TIAM1: variants seen among roughly 807,000 people sequenced by gnomAD.
TIAM1 encodes rho guanine nucleotide exchange factor TIAM1.
In TIAM1, 65 loss-of-function variants were observed where a neutral mutation model predicts 163.5. The ratio of observed to expected loss-of-function variants is 0.40; its 90% confidence interval spans 0.33 to 0.49. TIAM1 has a LOEUF of 0.49. Ranked by LOEUF, TIAM1 falls within the 20% of genes least tolerant of loss-of-function variation. The pLI, the probability that TIAM1 is intolerant of heterozygous loss-of-function variation, is 0.77. For synonymous variants in TIAM1, 833 were observed against 810.1 expected, an observed-to-expected ratio of 1.03 and a Z score of -0.48; for missense variants, 1,789 against 2,044.7, an observed-to-expected ratio of 0.87 and a Z score of 2.41.
At chr21:31,305,901 C>T (rs999627213) in intron 2 of TIAM1, among the ~76,000 whole-genome samples, 4 of 152,100 alleles carry the variant, frequency 2.6e-5, no homozygotes, top group Admixed American at 1.3e-4. Context: ...TGTCTGCTCA[C>T]GGGGGTGACT....
At chr21:31,359,662 G>C (rs1475515814) in intron 2 of TIAM1, among the ~76,000 whole-genome samples, 1 of 151,968 alleles carries the variant, frequency 6.6e-6, no homozygotes, top group African/African-American at 2.4e-5. Flanking sequence ...GGTGGCGGGT[G>C]CCTGTAATCC....
chr21:31,418,512 G>T (rs566828154), intron 2 of TIAM1, among the ~76,000 whole-genome samples: 4 of 152,060 alleles, frequency 2.6e-5, no homozygotes, highest in Admixed American at 2.6e-4. Flanking sequence ...AATGGCCAAG[G>T]GTGTCCACTC....
chr21:31,455,097 G>A (rs751156734), intron 2 of TIAM1, among the ~76,000 whole-genome samples: 3 of 151,922 alleles, frequency 2.0e-5, no homozygotes, highest in Non-Finnish European at 4.4e-5. Flanking sequence ...CCTGACCAAC[G>A]TGGAGAAACC....
chr21:31,286,018 A>G (rs912224274), intron 2 of TIAM1, among the ~76,000 whole-genome samples: 9 of 152,244 alleles, frequency 5.9e-5, no homozygotes, highest in African/African-American at 2.2e-4. Context: ...ATCATTGATC[A>G]GCAACTTAAT....
rs1164396078 is a variant in TIAM1, at chr21:31,295,288, G to A, written c.-188-18380C>T. Among the ~76,000 whole-genome samples, 4 of 152,188 alleles carry A rather than the reference G, an allele frequency of 2.6e-5. No individual in the cohort carries two copies. In the South Asian group the frequency reaches 6.2e-4, roughly 24 times the overall value. On this transcript the variant is annotated intron_variant, in intron 2 of 27. Coordinates refer to ENST00000541036, the MANE Select transcript of TIAM1 (RefSeq NM_001353694.2). ...AATCGAGACCATCCCGGCTAACACG[G>A]TGAAACCCCGTCTCTACTAAAAATA...
At chr21:31,197,437 G>C (rs2085922727) in intron 12 of TIAM1, among the ~76,000 whole-genome samples, 2 of 149,570 alleles carry the variant, frequency 1.3e-5, no homozygotes, top group Non-Finnish European at 3.0e-5. Flanking sequence ...GTGCAGCGGT[G>C]TGATCTCGGC....
intron 19 of TIAM1, among the ~76,000 whole-genome samples, chr21:31,149,501 CT>C (rs1163017897): frequency 6.6e-6 from 1 of 152,154 alleles, no homozygotes; most frequent in African/African-American, 2.4e-5. Context: ...TAGAATAACA[CT>C]GCTCTCAGTA....
intron 16 of TIAM1, among the ~76,000 whole-genome samples, chr21:31,157,008 C>T (rs2083656630): frequency 6.6e-6 from 1 of 152,206 alleles, no homozygotes; most frequent in Non-Finnish European, 1.5e-5. Flanking sequence ...TACAGTGAGT[C>T]CTCACTTAAC....
chr21:31,470,922 C>T (rs569198700), intron 1 of TIAM1, among the ~76,000 whole-genome samples: 6 of 152,246 alleles, frequency 3.9e-5, no homozygotes, highest in African/African-American at 1.4e-4. Flanking sequence ...CCCCTCCAGC[C>T]GCCACCCACC....
At position 31,141,034 on chromosome 21, in the gene TIAM1, CT is replaced by C; in HGVS notation, c.3774+83del. On this transcript the variant is annotated intron_variant, in intron 22 of 27. Transcript: ENST00000541036. This position sits in a 1 kb window ranked among gnomAD's most constrained non-coding sequence, Gnocchi z 4.7. ...TAACTATTTTACTTACAAGTAACACCTTTTTAAAAAATAAATAAATAAATAA... is the reference window on the plus strand; with the variant it reads ...TAACTATTTTACTTACAAGTAACACCTTTTAAAAAATAAATAAATAAATAA... 1.8e-6 allele frequency: 2 copies of C among 1,104,134 alleles called. No individual in the cohort carries two copies. The highest frequency in any genetic ancestry group is 1.6e-5 in the African/African-American group (1 of 62,418). The allele number at this position is 1,104,134 out of a possible 1,614,324, so 68.4% of individuals were successfully genotyped here. A position where few individuals can be genotyped will look rare whatever the true frequency, so the allele number is the denominator to read the frequency against.
intron 23 of TIAM1, among the ~76,000 whole-genome samples, chr21:31,133,397 T>A (rs1354143397): frequency 6.6e-6 from 1 of 152,216 alleles, no homozygotes; most frequent in Admixed American, 6.5e-5. Flanking sequence ...GTGATGCCCA[T>A]GAAGCTGGAG....
At chr21:31,269,859 G>A (rs561794680) in intron 3 of TIAM1, among the ~76,000 whole-genome samples, 3 of 152,146 alleles carry the variant, frequency 2.0e-5, no homozygotes, top group East Asian at 1.9e-4. Flanking sequence ...TTTTATTAGA[G>A]ACAGGGTTTC....
chr21:31,490,853 G>A (rs1028489334), intron 1 of TIAM1, among the ~76,000 whole-genome samples: 2 of 152,222 alleles, frequency 1.3e-5, no homozygotes, highest in African/African-American at 2.4e-5. Flanking sequence ...TTGGCCGAGC[G>A]TGGTGGCTCA....
intron 2 of TIAM1, among the ~76,000 whole-genome samples, chr21:31,404,352 C>T (rs926145922): frequency 8.5e-5 from 13 of 152,216 alleles, no homozygotes; most frequent in South Asian, 8.3e-4. Context: ...AACTGTTTGC[C>T]GTGTTAAAAA....
At chr21:31,409,268 C>T (rs2077302723) in intron 2 of TIAM1, among the ~76,000 whole-genome samples, 1 of 152,170 alleles carries the variant, frequency 6.6e-6, no homozygotes, top group Non-Finnish European at 1.5e-5. Context: ...CGCCACCACA[C>T]CCAGCTAATT....
intron 1 of TIAM1, among the ~76,000 whole-genome samples, chr21:31,488,653 C>A (rs2046354321): frequency 1.3e-5 from 2 of 152,154 alleles, no homozygotes; most frequent in Admixed American, 1.3e-4. Context: ...TGCCAGGGAA[C>A]TGCCATTTAT....
At chr21:31,221,285 A>C (rs942259276) in intron 8 of TIAM1, among the ~76,000 whole-genome samples, 1 of 152,230 alleles carries the variant, frequency 6.6e-6, no homozygotes, top group Non-Finnish European at 1.5e-5. Context: ...CTCATAGAAA[A>C]GAGAAGTTGC....
intron 2 of TIAM1, among the ~76,000 whole-genome samples, chr21:31,411,456 C>T (rs2077355966): frequency 6.8e-6 from 1 of 147,930 alleles, no homozygotes; most frequent in African/African-American, 2.5e-5. Flanking sequence ...ATACATGTGG[C>T]CATTTCCCAA....
Position 31,182,461 on chromosome 21 carries a change from G to T in TIAM1, c.2847C>A (p.Asp949Glu), listed in dbSNP as rs199606205. ...GAAAGGCGAGGGGGCTCTCGCCAAG[G>T]TCGGCAGGGCCGTCCACTCGGTGGG... is the stretch of plus-strand genomic sequence containing the variant. ...SPPHRVDGPA[D>E]LGESPLAFLT... The change falls in exon 15 of 28, where the codon GAC becomes GAA. Residue 949 changes from aspartate to glutamate, a missense_variant. Around this residue, in one of 5 missense-constraint regions of TIAM1, gnomAD observed 303 missense variants for 321.3 expected, o/e 0.94. Transcript: ENST00000541036. 2 of 1,603,190 alleles carry T rather than the reference G, an allele frequency of 1.2e-6. No individual in the cohort carries two copies. Among genetic ancestry groups the T allele is most frequent in the Non-Finnish European group, 1.7e-6 (2 of 1,175,078 alleles).
Sources: gnomAD v4.1 joint callset for allele counts (sites outside exome capture counted in the v4.1 genomes callset) on GRCh38, gnomAD v4.1.1 for gene constraint, gnomAD v4.1.1 regional missense constraint, Gnocchi (gnomAD v3.1) non-coding constraint, MANE v1.5 for transcripts, NCBI Gene and HGNC (gene_info 2026-07-23, HGNC 2026-07-21) for gene names.